CDH13: variants seen among roughly 807,000 people sequenced by gnomAD.
The protein encoded by CDH13 is cadherin 13.
In CDH13, 24 loss-of-function variants were observed where a neutral mutation model predicts 63.8. The observed-to-expected ratio is 0.38, with a 90% CI of 0.27 to 0.53. The LOEUF (loss-of-function observed/expected upper bound fraction) is 0.53, where lower values mean the gene tolerates loss of function less well. Among genes scored for constraint, CDH13 ranks in the 20% least tolerant of loss-of-function variants. CDH13 has a pLI of 0.85. For missense variants in CDH13, 1,049 were observed against 903.1 expected, an observed-to-expected ratio of 1.16 and a Z score of -2.07; for synonymous variants, 503 against 355.3, an observed-to-expected ratio of 1.42 and a Z score of -4.67.
intron 6 of CDH13, among the ~76,000 whole-genome samples, chr16:83,353,528 A>G (rs2090998691): frequency 6.6e-6 from 1 of 152,254 alleles, no homozygotes; most frequent in South Asian, 2.1e-4. Context: ...AGAGTATCTA[A>G]CCAACCAACA....
chr16:83,030,490 A>G (rs1916202778), intron 2 of CDH13, among the ~76,000 whole-genome samples: 1 of 151,926 alleles, frequency 6.6e-6, no homozygotes, highest in Non-Finnish European at 1.5e-5. Context: ...TAAAAATACA[A>G]AAATTAGCCA....
intron 6 of CDH13, among the ~76,000 whole-genome samples, chr16:83,403,328 G>C (rs1163251808): frequency 6.6e-6 from 1 of 152,078 alleles, no homozygotes; most frequent in Non-Finnish European, 1.5e-5. Context: ...AGGAAATAGA[G>C]GATATGTTTG....
At chr16:83,444,824 CT>C (rs1350388164) in intron 6 of CDH13, among the ~76,000 whole-genome samples, 1 of 152,264 alleles carries the variant, frequency 6.6e-6, no homozygotes. Flanking sequence ...TTGGTTTTGC[CT>C]GAAGGTATAA....
intron 1 of CDH13, among the ~76,000 whole-genome samples, chr16:82,835,679 C>T (rs370636504): frequency 6.6e-6 from 1 of 152,194 alleles, no homozygotes; most frequent in African/African-American, 2.4e-5. Flanking sequence ...GATCAGCGGC[C>T]TCCCTGCTCC....
intron 1 of CDH13, among the ~76,000 whole-genome samples, chr16:82,855,060 T>C (rs2039633199): frequency 6.6e-6 from 1 of 152,234 alleles, no homozygotes; most frequent in African/African-American, 2.4e-5. Flanking sequence ...TGTACCTTTA[T>C]GTTACAAATC....
intron 2 of CDH13, among the ~76,000 whole-genome samples, chr16:82,916,845 G>C (rs1181153198): frequency 6.6e-6 from 1 of 152,112 alleles, no homozygotes; most frequent in Non-Finnish European, 1.5e-5. Flanking sequence ...TATAGCATTT[G>C]TATTTCTACA....
intron 7 of CDH13, among the ~76,000 whole-genome samples, chr16:83,595,394 A>G (rs917921497): frequency 6.6e-6 from 1 of 152,242 alleles, no homozygotes; most frequent in Non-Finnish European, 1.5e-5. Context: ...AGCCAAAGGC[A>G]TGGTCCTTGC....
intron 4 of CDH13, among the ~76,000 whole-genome samples, chr16:83,152,317 A>G (rs556380033): frequency 2.5e-4 from 38 of 152,222 alleles, no homozygotes; most frequent in Non-Finnish European, 4.9e-4. Flanking sequence ...GTGGACTACT[A>G]TGCAATCATT....
intron 6 of CDH13, among the ~76,000 whole-genome samples, chr16:83,465,621 G>C (rs1195286506): frequency 6.6e-6 from 1 of 152,212 alleles, no homozygotes; most frequent in African/African-American, 2.4e-5. Context: ...CTTGATGCCT[G>C]TGTCGTTCTA....
chr16:83,357,221 T>C (rs2091073606), intron 6 of CDH13, among the ~76,000 whole-genome samples: 1 of 152,172 alleles, frequency 6.6e-6, no homozygotes, highest in African/African-American at 2.4e-5. Flanking sequence ...TCCTTCTCAT[T>C]TCTGCAATTT....
At chr16:83,631,182 G>T (rs1910748957) in intron 8 of CDH13, among the ~76,000 whole-genome samples, 2 of 152,326 alleles carry the variant, frequency 1.3e-5, no homozygotes, top group South Asian at 4.1e-4. Context: ...GCTGCAGAAT[G>T]AAGCCCTCAG....
intron 7 of CDH13, among the ~76,000 whole-genome samples, chr16:83,547,415 A>G (rs939859585): frequency 2.0e-5 from 3 of 152,180 alleles, no homozygotes; most frequent in Non-Finnish European, 4.4e-5. Flanking sequence ...CTGGGTACTA[A>G]GTATCCAATA....
chr16:83,088,527 C>A (rs1211924406), intron 3 of CDH13, among the ~76,000 whole-genome samples: 1 of 152,174 alleles, frequency 6.6e-6, no homozygotes, highest in Non-Finnish European at 1.5e-5. Flanking sequence ...GGTCCAAAAG[C>A]CGTTTCTGAT....
chr16:83,129,929 C>T (rs919633010), intron 4 of CDH13, among the ~76,000 whole-genome samples: 5 of 152,204 alleles, frequency 3.3e-5, no homozygotes, highest in African/African-American at 1.2e-4. Flanking sequence ...CTAGCATTCT[C>T]ATGTCCTGGG....
At chr16:83,664,966 T>C (rs1443963879) in intron 8 of CDH13, among the ~76,000 whole-genome samples, 4 of 152,194 alleles carry the variant, frequency 2.6e-5, no homozygotes, top group Non-Finnish European at 5.9e-5. Context: ...GTCTCCAGCA[T>C]GCAACAGACA....
intron 3 of CDH13, among the ~76,000 whole-genome samples, chr16:83,057,049 C>A (rs955564972): frequency 6.6e-6 from 1 of 152,184 alleles, no homozygotes; most frequent in Non-Finnish European, 1.5e-5. Context: ...TCACTGCAAC[C>A]TCTGACTCCC....
chr16:83,232,545 C>CAACAAAA (rs1164619286), intron 5 of CDH13, among the ~76,000 whole-genome samples: 1 of 107,956 alleles, frequency 9.3e-6, no homozygotes, highest in Admixed American at 8.4e-5. Context: ...ACAACAACAA[C>CAACAAAA]AAACAAACAA....
chr16:83,425,338 C>G (rs1372470098), intron 6 of CDH13, among the ~76,000 whole-genome samples: 1 of 152,218 alleles, frequency 6.6e-6, no homozygotes, highest in Non-Finnish European at 1.5e-5. Flanking sequence ...TGGCTCTTGC[C>G]TGAAGCAATC....
intron 2 of CDH13, among the ~76,000 whole-genome samples, chr16:83,021,784 C>A (rs113992716): frequency 0.019 from 2,960 of 152,292 alleles, 48 homozygotes; most frequent in Non-Finnish European, 0.029. Context: ...CTAGAATACT[C>A]CCAGAACCTT....
Sources: gnomAD v4.1 joint callset for allele counts (sites outside exome capture counted in the v4.1 genomes callset) on GRCh38, gnomAD v4.1.1 for gene constraint, MANE v1.5 for transcripts, NCBI Gene and HGNC (gene_info 2026-07-23, HGNC 2026-07-21) for gene names.